Variants in MYRFL observed in about 807,000 individuals in gnomAD.
The protein encoded by MYRFL is myelin regulatory factor-like protein.
In MYRFL, 88 loss-of-function variants were observed where a neutral mutation model predicts 109.4. The ratio of observed to expected loss-of-function variants is 0.80; its 90% CI spans 0.68 to 0.96. The LOEUF (loss-of-function observed/expected upper bound fraction) is 0.96. MYRFL is among the 40% of genes least tolerant of loss of function. MYRFL has a pLI of 0.00. For synonymous variants in MYRFL, 324 were observed against 320.9 expected (o/e 1.01, Z -0.10); for missense variants, 957 against 954.9 (o/e 1.00, Z -0.03).
intron 2 of MYRFL, among the ~76,000 whole-genome samples, chr12:69,877,251 C>T (rs1370085296): frequency 3.3e-5 from 5 of 151,994 alleles, no homozygotes; most frequent in Admixed American, 3.3e-4. Context: ...CCTCGATCTC[C>T]TGACCTCGTG....
intron 11 of MYRFL, among the ~76,000 whole-genome samples, chr12:69,907,929 C>T (rs1205642446): frequency 1.3e-5 from 2 of 152,160 alleles, no homozygotes; most frequent in Non-Finnish European, 2.9e-5. Context: ...GAGATTGTGA[C>T]TGTTCCTTCC....
intron 1 of MYRFL, among the ~76,000 whole-genome samples, chr12:69,833,049 C>A (rs57851220): frequency 6.6e-6 from 1 of 150,728 alleles, no homozygotes; most frequent in Non-Finnish European, 1.5e-5. Context: ...CAAGTGGAAG[C>A]GATGAGGAGG....
chr12:69,951,424 T>C (rs1344134074), intron 19 of MYRFL, among the ~76,000 whole-genome samples: 23 of 11,308 alleles, frequency 2.0e-3, no homozygotes, highest in Non-Finnish European at 1.4e-3. Flanking sequence ...CCTAACCTGC[T>C]TTTTTTTTTT....
At chr12:69,842,994 T>C (rs1240697708) in intron 1 of MYRFL, among the ~76,000 whole-genome samples, 1 of 152,210 alleles carries the variant, frequency 6.6e-6, no homozygotes, top group Non-Finnish European at 1.5e-5. Flanking sequence ...AATAAAGCAA[T>C]TAGTTAATTA....
At chr12:69,956,377 C>T (rs1050172223) in intron 22 of MYRFL, among the ~76,000 whole-genome samples, 2 of 152,104 alleles carry the variant, frequency 1.3e-5, no homozygotes, top group South Asian at 2.1e-4. Flanking sequence ...TTAGGACTAC[C>T]TTTCCTCCTA....
chr12:69,877,305 G>A (rs1246018700), intron 2 of MYRFL, among the ~76,000 whole-genome samples: 2 of 152,122 alleles, frequency 1.3e-5, no homozygotes, highest in Non-Finnish European at 2.9e-5. Context: ...TTACAGGCAT[G>A]AGCCACCGCG....
chr12:69,903,432 C>T (rs1313284175), intron 10 of MYRFL, among the ~76,000 whole-genome samples: 2 of 152,134 alleles, frequency 1.3e-5, no homozygotes, highest in Admixed American at 6.5e-5. Flanking sequence ...ATACAGAGCT[C>T]CTGCTAGCGG....
chr12:69,881,178 C>T (rs2136333560), intron 5 of MYRFL, among the ~76,000 whole-genome samples: 1 of 152,146 alleles, frequency 6.6e-6, no homozygotes, highest in South Asian at 2.1e-4. Context: ...CTAAGTTGCC[C>T]AGGCTGGTCT....
At chr12:69,860,398 C>T (rs865861894) in intron 2 of MYRFL, among the ~76,000 whole-genome samples, 42 of 151,940 alleles carry the variant, frequency 2.8e-4, no homozygotes, top group South Asian at 8.3e-4. Context: ...TGAATAGTTT[C>T]GGCTCTCTTT....
At chr12:69,851,112 G>A (rs1221947413) in intron 1 of MYRFL, among the ~76,000 whole-genome samples, 1 of 152,080 alleles carries the variant, frequency 6.6e-6, no homozygotes, top group Non-Finnish European at 1.5e-5. Flanking sequence ...AAGATAATAG[G>A]AGGCAAACTA....
At chr12:69,897,302 AGAATTT>A in intron 10 of MYRFL, 56 bp downstream of exon 10, 2 of 1,274,824 alleles carry the variant, frequency 1.6e-6, no homozygotes, top group Admixed American at 2.0e-5. Flanking sequence ...CTATGTAGGC[AGAATTT>A]GAATTTTCAA....
intron 2 of MYRFL, among the ~76,000 whole-genome samples, chr12:69,871,623 C>T (rs185851314): frequency 1.7e-3 from 258 of 152,262 alleles, no homozygotes; most frequent in African/African-American, 5.9e-3. Context: ...ATATAATCTT[C>T]TGGGAAGATT....
At position 69,897,256 on chromosome 12, in the gene MYRFL, G is replaced by C; in HGVS notation, c.1182+10G>C. On this transcript the variant is annotated intron_variant, in intron 10 of 24. Coordinates refer to ENST00000552032, the MANE Select transcript of MYRFL (RefSeq NM_182530.3). The stretch of plus-strand genomic sequence containing the variant: ...AAGGATCATTGTAAGGGTAAGCTCA[G>C]TTCTCTGACTTTTCTGGATCTCACA... The C allele has an allele frequency of 6.5e-7, 1 of 1,531,748 alleles. No individual in the cohort carries two copies. The highest frequency in any genetic ancestry group is 8.7e-7 in the Non-Finnish European group (1 of 1,142,978). 94.9% of individuals were successfully genotyped at this position (1,531,748 alleles called of 1,614,324 possible).
At chr12:69,942,455 T>C (rs1187629485) in intron 19 of MYRFL, among the ~76,000 whole-genome samples, 1 of 151,144 alleles carries the variant, frequency 6.6e-6, no homozygotes, top group African/African-American at 2.4e-5. Context: ...TCTCAATAGA[T>C]GCAGAAAAGG....
At chr12:69,874,443 G>T (rs779168759) in intron 2 of MYRFL, among the ~76,000 whole-genome samples, 12 of 152,166 alleles carry the variant, frequency 7.9e-5, no homozygotes, top group Non-Finnish European at 1.2e-4. Flanking sequence ...CTCCCAAAGT[G>T]CTGGGATTAT....
At chr12:69,920,229 T>C (rs1954867148) in intron 13 of MYRFL, among the ~76,000 whole-genome samples, 1 of 152,144 alleles carries the variant, frequency 6.6e-6, no homozygotes, top group African/African-American at 2.4e-5. Flanking sequence ...CACCAGCCCA[T>C]TGCCCTAGAT....
At position 69,877,024 on chromosome 12, in the gene MYRFL, T is replaced by TTTC. The variant is rs55694465; in HGVS notation, c.138-2002_138-2001insCTT. Among the ~76,000 whole-genome samples the TTTC allele has an allele frequency of 4.2e-3, 273 of 65,238 alleles. 1 individual carries two copies. Among genetic ancestry groups the TTTC allele is most frequent in the South Asian group, 0.027 (42 of 1,552 alleles). 42.8% of individuals were successfully genotyped at this position (65,238 alleles called of 152,430 possible). On this transcript the variant is annotated intron_variant, in intron 2 of 24. Coordinates refer to ENST00000552032, the MANE Select transcript of MYRFL (RefSeq NM_182530.3). ...AGGTCTTTCTTTCTTTCTTTCTTTC[T>TTTC]TTTTTTTTTTTTTTTTTGAGACGGA...
intron 5 of MYRFL, among the ~76,000 whole-genome samples, chr12:69,885,518 T>A (rs1202754039): frequency 6.6e-6 from 1 of 152,212 alleles, no homozygotes; most frequent in Non-Finnish European, 1.5e-5. Flanking sequence ...ACATTGTTAC[T>A]GAGAGCCGCA....
At chr12:69,911,002 A>G (rs1954549815) in intron 13 of MYRFL, 72 bp downstream of exon 13, 5 of 1,021,774 alleles carry the variant, frequency 4.9e-6, no homozygotes, top group South Asian at 4.4e-5. Context: ...TGATAGCACA[A>G]TGGGCTGAAA....
Sources: gnomAD v4.1 joint callset for allele counts (sites outside exome capture counted in the v4.1 genomes callset) on GRCh38, gnomAD v4.1.1 for gene constraint, MANE v1.5 for transcripts, NCBI Gene and HGNC (gene_info 2026-07-23, HGNC 2026-07-21) for gene names.